Variants in ACYP2 observed in about 807,000 individuals in gnomAD.
ACYP2 encodes acylphosphatase-2.
Under a neutral mutation model 11.2 loss-of-function variants are expected in ACYP2, and 12 were observed. That is an observed-to-expected ratio of 1.08 (90% CI 0.69 to 1.74). ACYP2 has a LOEUF of 1.74. Among genes scored for constraint, ACYP2 ranks in the 40% most tolerant of loss-of-function variants. The pLI is 0.00. For missense variants in ACYP2, 134 were observed against 101.9 expected (o/e 1.31, Z -1.35); for synonymous variants, 43 against 32.2 (o/e 1.33, Z -1.13).
At chr2:54,166,588 G>A (rs1019756320) in intron 6 of ACYP2, among the ~76,000 whole-genome samples, 1 of 152,116 alleles carries the variant, frequency 6.6e-6, no homozygotes, top group Non-Finnish European at 1.5e-5. Context: ...TCTCCAGTTT[G>A]GCTGACACAT....
intron 2 of ACYP2, among the ~76,000 whole-genome samples, chr2:54,028,840 C>T (rs956015999): frequency 1.7e-4 from 26 of 152,120 alleles, no homozygotes; most frequent in African/African-American, 5.1e-4. Flanking sequence ...TCCCTGCACA[C>T]GTTAATAAAT....
intron 4 of ACYP2, among the ~76,000 whole-genome samples, chr2:54,071,872 A>G (rs1384454569): frequency 1.3e-5 from 2 of 152,084 alleles, no homozygotes; most frequent in African/African-American, 2.4e-5. Context: ...TTAGGTGGGC[A>G]TGGTGGCGCG....
chr2:54,001,121 G>A (rs889855563), intron 2 of ACYP2, among the ~76,000 whole-genome samples: 4 of 152,168 alleles, frequency 2.6e-5, no homozygotes, highest in Non-Finnish European at 5.9e-5. Flanking sequence ...TTGGGAGGCT[G>A]AGGCAGGAGG....
At chr2:54,278,832 C>G (rs981450793) in intron 6 of ACYP2, among the ~76,000 whole-genome samples, 1 of 152,058 alleles carries the variant, frequency 6.6e-6, no homozygotes, top group African/African-American at 2.4e-5. Flanking sequence ...TTGAAAGGAA[C>G]TAAATAATGT....
intron 4 of ACYP2, among the ~76,000 whole-genome samples, chr2:54,068,923 T>A (rs1250512283): frequency 6.6e-6 from 1 of 152,106 alleles, no homozygotes; most frequent in Admixed American, 6.5e-5. Context: ...ATTTTTAATT[T>A]ATTTTATTTA....
chr2:54,203,397 A>T (rs1262059691), intron 6 of ACYP2, among the ~76,000 whole-genome samples: 1 of 152,156 alleles, frequency 6.6e-6, no homozygotes, highest in East Asian at 1.9e-4. Flanking sequence ...ATATAAGATC[A>T]TGTCATATGC....
rs575796750 is a variant in ACYP2 at position 54,201,477 on chromosome 2, T to C, written c.404+62729T>C. The stretch of plus-strand genomic sequence containing the variant: ...TTGAATACTAGAACCTTATCAGATA[T>C]AGAATTTGCAAATATTTTCTCCCAT... On this transcript the variant is annotated intron_variant, in intron 6 of 6. Coordinates refer to ENST00000607452, the MANE Select transcript of ACYP2 (RefSeq NM_001320586.2). Among the ~76,000 whole-genome samples, 6 of 152,192 alleles carry C rather than the reference T, an allele frequency of 3.9e-5. No individual in the cohort carries two copies. In the South Asian group the frequency reaches 6.2e-4, roughly 16 times the overall value.
intron 6 of ACYP2, among the ~76,000 whole-genome samples, chr2:54,178,858 A>G (rs530221496): frequency 6.6e-6 from 1 of 152,348 alleles, no homozygotes; most frequent in Non-Finnish European, 1.5e-5. Flanking sequence ...AGTTCTGTTC[A>G]TTATTCAGTG....
At chr2:54,284,154 TA>T (rs888126930) in intron 6 of ACYP2, among the ~76,000 whole-genome samples, 9 of 151,740 alleles carry the variant, frequency 5.9e-5, no homozygotes, top group African/African-American at 1.9e-4. Flanking sequence ...TTAAACTTTG[TA>T]AAAAAAAATC....
In ACYP2 at chr2:54,143,757, TG is replaced by T. The variant is rs1459032230; in HGVS notation, c.404+5019del. On this transcript the variant is annotated intron_variant, in intron 6 of 6. Transcript: ENST00000607452. ...GGTTTTTTTTTTTTTTTTTTTTTTT[TG>T]GGGGGGGGGTATTCTATCATGTTTT... Among the ~76,000 whole-genome samples the T allele has an allele frequency of 9.9e-4, 19 of 19,242 alleles. 1 individual carries two copies. Among genetic ancestry groups the T allele is most frequent in the Admixed American group, 1.4e-3 (2 of 1,456 alleles). The allele number at this position is 19,242 out of a possible 152,430, so 12.6% of individuals were successfully genotyped here. A position where few individuals can be genotyped will look rare whatever the true frequency, so the allele number is the denominator to read the frequency against.
At chr2:54,222,099 A>G (rs574935643) in intron 6 of ACYP2, among the ~76,000 whole-genome samples, 2 of 152,256 alleles carry the variant, frequency 1.3e-5, no homozygotes, top group African/African-American at 4.8e-5. Flanking sequence ...TTTTTGTTGC[A>G]TGAAGAAACT....
intron 4 of ACYP2, among the ~76,000 whole-genome samples, chr2:54,074,102 G>A (rs1677203272): frequency 6.6e-6 from 1 of 152,158 alleles, no homozygotes; most frequent in East Asian, 1.9e-4. Flanking sequence ...CACTTTTGGA[G>A]GCTGAGGTGA....
chr2:54,057,303 T>C lies in ACYP2; in HGVS notation c.220T>C (p.Trp74Arg), dbSNP rs969169918. The C allele has an allele frequency of 7.5e-6, 3 of 397,982 alleles. No homozygotes were observed. Among genetic ancestry groups the C allele is most frequent in the East Asian group, 3.6e-5 (1 of 27,966 alleles). The allele number at this position is 397,982 out of a possible 1,614,324, so 24.7% of individuals were successfully genotyped here. A position where few individuals can be genotyped will look rare whatever the true frequency, so the allele number is the denominator to read the frequency against. ...AGTCATAATTGTGAGTGAAGAACCA[T>C]GGAAGGAGAACATTTCTTGCTCATC... The change falls in exon 4 of 7, where the codon TGG becomes CGG. Residue 74 changes from tryptophan (W) to arginine (R), a missense_variant. By Grantham distance (101) the Trp-to-Arg change is moderately radical. Transcript: ENST00000607452.
At chr2:54,107,498 T>G (rs1048539729) in intron 4 of ACYP2, among the ~76,000 whole-genome samples, 6 of 152,244 alleles carry the variant, frequency 3.9e-5, no homozygotes, top group African/African-American at 1.4e-4. Flanking sequence ...CTAACCTTTG[T>G]TCTATTCCTG....
intron 2 of ACYP2, among the ~76,000 whole-genome samples, chr2:54,009,005 T>C (rs755156070): frequency 6.7e-6 from 1 of 149,798 alleles, no homozygotes; most frequent in Non-Finnish European, 1.5e-5. Context: ...ATACAAAAAT[T>C]AGCCGGGAGT....
At chr2:54,052,111 G>T (rs1015948360) in intron 3 of ACYP2, among the ~76,000 whole-genome samples, 1 of 151,904 alleles carries the variant, frequency 6.6e-6, no homozygotes, top group African/African-American at 2.4e-5. Flanking sequence ...TGAAGAGGAT[G>T]AGGAGAAGGA....
intron 6 of ACYP2, among the ~76,000 whole-genome samples, chr2:54,141,309 A>G (rs991837644): frequency 1.3e-5 from 2 of 152,204 alleles, no homozygotes; most frequent in East Asian, 3.8e-4. Flanking sequence ...TATTAACTCA[A>G]ATATGGCTAT....
At chr2:54,247,306 C>G (rs1289829255) in intron 6 of ACYP2, among the ~76,000 whole-genome samples, 1 of 152,140 alleles carries the variant, frequency 6.6e-6, no homozygotes, top group East Asian at 1.9e-4. Flanking sequence ...TAGGAGAGTT[C>G]TAGACAGTGA....
chr2:54,264,607 A>G (rs1379083940), intron 6 of ACYP2, among the ~76,000 whole-genome samples: 1 of 152,236 alleles, frequency 6.6e-6, no homozygotes, highest in Non-Finnish European at 1.5e-5. Context: ...AGAAGGTCCA[A>G]GGTAATTGCC....
Sources: gnomAD v4.1 joint callset for allele counts (sites outside exome capture counted in the v4.1 genomes callset) on GRCh38, gnomAD v4.1.1 for gene constraint, MANE v1.5 for transcripts, NCBI Gene and HGNC (gene_info 2026-07-23, HGNC 2026-07-21) for gene names.